The following JADE3 variants were observed in gnomAD, a reference collection of about 807,000 sequenced individuals.
The protein encoded by JADE3 is jade family PHD finger 3.
A neutral mutation model predicts 50.1 loss-of-function variants in JADE3; 2 were observed. The ratio of observed to expected loss-of-function variants is 0.04; its 90% confidence interval spans 0.02 to 0.13. JADE3 has a LOEUF of 0.13. Among genes scored for constraint, JADE3 ranks in the 10% least tolerant of loss-of-function variants. JADE3 has a pLI of 1.00. For synonymous variants in JADE3, 218 were observed against 232.9 expected (o/e 0.94, Z 0.58); for missense variants, 475 against 634.4 (o/e 0.75, Z 2.70).
chrX:46,917,854 TCATC>T (rs1188515244), intron 1 of JADE3, among the ~76,000 whole-genome samples: 10,005 of 68,765 alleles, frequency 0.15, 1,224 homozygotes, highest in Non-Finnish European at 0.21. Context: ...TCTCTCTCTC[TCATC>T]CTCTCTCTCT....
At chrX:46,976,985 G>A (rs2147127560) in intron 1 of JADE3, among the ~76,000 whole-genome samples, 1 of 111,557 alleles carries the variant, frequency 9.0e-6, no homozygotes, top group African/African-American at 3.3e-5. Flanking sequence ...AACTAAAGAG[G>A]GCTAGTCCTT....
At chrX:47,045,856 T>C (rs1236159152) in intron 8 of JADE3, among the ~76,000 whole-genome samples, 1 of 101,894 alleles carries the variant, frequency 9.8e-6, no homozygotes, top group African/African-American at 3.6e-5. Context: ...AAAAAAAAAA[T>C]GGGAACACAA....
At chrX:46,966,522 A>T (rs1019055750) in intron 1 of JADE3, among the ~76,000 whole-genome samples, 16 of 111,304 alleles carry the variant, frequency 1.4e-4, no homozygotes, top group Non-Finnish European at 2.8e-4. Flanking sequence ...CAACACAGGG[A>T]ACTTGAAAAA....
At chrX:47,013,041 C>T (rs782431353) in intron 4 of JADE3, among the ~76,000 whole-genome samples, 8 of 112,017 alleles carry the variant, frequency 7.1e-5, no homozygotes, top group Non-Finnish European at 1.1e-4. Context: ...GACAGCGTCT[C>T]GTTCTCTGTT....
chrX:46,954,711 C>G lies in JADE3; in HGVS notation c.-11-30173C>G, dbSNP rs139087539. 3.0e-3 allele frequency among the ~76,000 whole-genome samples: 335 copies of G among 111,265 alleles called. 3 individuals carry two copies. The highest frequency in any genetic ancestry group is 0.025 in the East Asian group (88 of 3,555). On this transcript the variant is annotated intron_variant, in intron 1 of 10. Coordinates refer to ENST00000614628, the MANE Select transcript of JADE3 (RefSeq NM_014735.5). ...CTGGGATTACAGGCATGCACCACCA[C>G]ACCCAGCTAATTTTTATATTTTTAA...
intron 8 of JADE3, among the ~76,000 whole-genome samples, chrX:47,041,914 C>T (rs1602419981): frequency 8.9e-6 from 1 of 111,900 alleles, no homozygotes; most frequent in Non-Finnish European, 1.9e-5. Flanking sequence ...AGGTGATCCA[C>T]TCGCCTTGGC....
At chrX:47,015,596 G>A (rs370090795) in intron 4 of JADE3, among the ~76,000 whole-genome samples, 1 of 101,970 alleles carries the variant, frequency 9.8e-6, no homozygotes, top group African/African-American at 3.8e-5. Context: ...AAAAAAAAAA[G>A]GAATTGATCT....
intron 1 of JADE3, among the ~76,000 whole-genome samples, chrX:46,918,027 A>G (rs1416509121): frequency 9.0e-6 from 1 of 111,406 alleles, no homozygotes; most frequent in Non-Finnish European, 1.9e-5. Flanking sequence ...CTCTGGACCA[A>G]ATGTGTAGGT....
intron 9 of JADE3, among the ~76,000 whole-genome samples, chrX:47,055,693 G>A (rs1289622325): frequency 9.9e-5 from 11 of 111,673 alleles, no homozygotes; most frequent in Non-Finnish European, 2.1e-4. Context: ...TATCCTGCTC[G>A]TCCGGCACTG....
chrX:46,993,891 T>G (rs1245731145), intron 3 of JADE3, among the ~76,000 whole-genome samples: 1 of 112,047 alleles, frequency 8.9e-6, no homozygotes, highest in African/African-American at 3.2e-5. Flanking sequence ...GCCTAAAGAT[T>G]GTATAATTAT....
At chrX:46,964,863 A>G (rs1927336114) in intron 1 of JADE3, among the ~76,000 whole-genome samples, 1 of 112,385 alleles carries the variant, frequency 8.9e-6, no homozygotes, top group Non-Finnish European at 1.9e-5. Context: ...CCTCCAGGCC[A>G]TACTAAAAAT....
At chrX:47,011,805 C>T (rs1257296374) in intron 4 of JADE3, among the ~76,000 whole-genome samples, 2 of 111,688 alleles carry the variant, frequency 1.8e-5, no homozygotes, top group East Asian at 2.8e-4. Flanking sequence ...CAGCTTTTCT[C>T]GATGTCCTTC....
chrX:47,028,175 C>A, intron 6 of JADE3, 72 bp downstream of exon 6: 2 of 712,161 alleles, frequency 2.8e-6, no homozygotes, highest in Non-Finnish European at 4.3e-6. Context: ...CTCCAGCACG[C>A]ATATCTGGGT....
At chrX:47,031,855 A>T (rs1382823490) in intron 6 of JADE3, among the ~76,000 whole-genome samples, 2 of 110,910 alleles carry the variant, frequency 1.8e-5, no homozygotes, top group Non-Finnish European at 3.8e-5. Flanking sequence ...ACAGAGCAAG[A>T]CCCTGTCTCA....
chrX:46,919,023 G>A (rs1195644285), intron 1 of JADE3, among the ~76,000 whole-genome samples: 1 of 112,469 alleles, frequency 8.9e-6, no homozygotes, highest in East Asian at 2.8e-4. Flanking sequence ...AAGCTGTTAA[G>A]CTTTGATAAA....
At chrX:47,007,664 T>C (rs1928459517) in intron 4 of JADE3, among the ~76,000 whole-genome samples, 1 of 111,796 alleles carries the variant, frequency 8.9e-6, no homozygotes, top group African/African-American at 3.3e-5. Flanking sequence ...TATATCCTTA[T>C]ATTTTAAGTA....
At chrX:47,032,559 A>T (rs1929044453) in intron 6 of JADE3, among the ~76,000 whole-genome samples, 1 of 111,188 alleles carries the variant, frequency 9.0e-6, no homozygotes, top group South Asian at 3.8e-4. Context: ...GTAGAAATTA[A>T]TCAATCCAGG....
intron 1 of JADE3, among the ~76,000 whole-genome samples, chrX:46,918,658 A>G: frequency 8.9e-6 from 1 of 111,749 alleles, no homozygotes; most frequent in Non-Finnish European, 1.9e-5. Context: ...GATCTGGGAT[A>G]GCCTTACTCA....
chrX:47,044,335 CT>C, intron 8 of JADE3, among the ~76,000 whole-genome samples: 1 of 111,792 alleles, frequency 8.9e-6, no homozygotes, highest in East Asian at 2.8e-4. Flanking sequence ...TAGCAGCAGA[CT>C]TTTCATTGGA....
Sources: allele counts gnomAD v4.1 joint callset (sites outside exome capture counted in the v4.1 genomes callset), GRCh38; gene constraint gnomAD v4.1.1; transcripts MANE v1.5; gene names NCBI Gene and HGNC (gene_info 2026-07-23, HGNC 2026-07-21).